The following IGSF11 variants were observed in gnomAD, a reference collection of about 807,000 sequenced individuals.
The protein encoded by IGSF11 is immunoglobulin superfamily member 11, also known as CXADR like 1.
IGSF11 carries 22 observed loss-of-function variants against 41.0 expected under a neutral mutation model. That is an observed-to-expected ratio of 0.54 (90% CI 0.38 to 0.77). The LOEUF (loss-of-function observed/expected upper bound fraction) is 0.77, where lower values mean the gene tolerates loss of function less well. IGSF11 is among the 30% of genes least tolerant of loss of function. IGSF11 has a pLI of 0.00. For synonymous variants in IGSF11, 219 were observed against 201.3 expected, an observed-to-expected ratio of 1.09 and a Z score of -0.74; for missense variants, 444 against 530.8, an observed-to-expected ratio of 0.84 and a Z score of 1.61.
chr3:119,064,407 C>T (rs1181088340), intron 1 of IGSF11, among the ~76,000 whole-genome samples: 2 of 152,032 alleles, frequency 1.3e-5, no homozygotes, highest in Non-Finnish European at 2.9e-5. Context: ...TTACTCCATC[C>T]TAATCCCAAA....
At chr3:118,964,487 A>T (rs1159008049) in intron 1 of IGSF11, among the ~76,000 whole-genome samples, 1 of 152,162 alleles carries the variant, frequency 6.6e-6, no homozygotes, top group Non-Finnish European at 1.5e-5. Flanking sequence ...AGGTAAGTAC[A>T]CACTTTACAG....
intron 6 of IGSF11, 33 bp from the exon 7 acceptor site, chr3:118,902,994 T>G (rs552077032): frequency 2.3e-5 from 37 of 1,588,910 alleles, no homozygotes; most frequent in Non-Finnish European, 3.1e-5. Flanking sequence ...GTTGTTAGGA[T>G]TTACTTCAAG....
chr3:119,105,183 C>T, exon 1 of IGSF11: 1 of 1,605,826 alleles, frequency 6.2e-7, no homozygotes, highest in Non-Finnish European at 8.5e-7. Context: ...AAAAGTTCCA[C>T]CAGAGACATT....
At chr3:119,057,522 G>T (rs1203426258) in intron 1 of IGSF11, among the ~76,000 whole-genome samples, 1 of 152,132 alleles carries the variant, frequency 6.6e-6, no homozygotes, top group Admixed American at 6.6e-5. Flanking sequence ...AGGAAGAATT[G>T]ATATCATGAA....
At position 118,925,466 on chromosome 3, in the gene IGSF11, T is replaced by A. The variant is rs116739846; in HGVS notation, c.580+635A>T. 8.0e-3 allele frequency among the ~76,000 whole-genome samples: 1,216 copies of A among 152,336 alleles called. 20 individuals are homozygous for A. The highest frequency in any genetic ancestry group is 0.028 in the African/African-American group (1,152 of 41,568). On this transcript the variant is annotated intron_variant, in intron 4 of 6. Coordinates refer to ENST00000393775, the MANE Select transcript of IGSF11 (RefSeq NM_001015887.3). Reference sequence around the variant, plus strand: ...CATTTTCTTGACCTAGAGTATTTTATAATAAAATTCTATATCTTCCCCTCA... The same window carrying A: ...CATTTTCTTGACCTAGAGTATTTTAAAATAAAATTCTATATCTTCCCCTCA...
intron 4 of IGSF11, among the ~76,000 whole-genome samples, chr3:118,922,409 T>TTGTG (rs59598173): frequency 5.3e-5 from 8 of 149,750 alleles, no homozygotes; most frequent in African/African-American, 1.5e-4. Flanking sequence ...ATAACTACCT[T>TTGTG]TGTGTGTGTG....
intron 4 of IGSF11, among the ~76,000 whole-genome samples, chr3:118,907,601 C>T (rs924090077): frequency 2.6e-5 from 4 of 152,182 alleles, no homozygotes; most frequent in African/African-American, 7.2e-5. Flanking sequence ...AATAAAAGTG[C>T]TGCCTACTCT....
chr3:119,126,005 C>A (rs1268200206), intron 1 of IGSF11, among the ~76,000 whole-genome samples: 2 of 152,260 alleles, frequency 1.3e-5, no homozygotes, highest in Admixed American at 1.3e-4. Flanking sequence ...CTTAAGCCTA[C>A]CAAACTCCTG....
In IGSF11 at chr3:118,935,375, T is replaced by C. The variant is rs9879485; in HGVS notation, c.53-5100A>G. Among the ~76,000 whole-genome samples, 531 of 113,514 alleles carry C rather than the reference T, an allele frequency of 4.7e-3. 7 individuals carry two copies. Among genetic ancestry groups the C allele is most frequent in the Middle Eastern group, 0.029 (7 of 244 alleles). The allele number at this position is 113,514 out of a possible 152,430, so 74.5% of individuals were successfully genotyped here. A position where few individuals can be genotyped will look rare whatever the true frequency, so the allele number is the denominator to read the frequency against. The stretch of plus-strand genomic sequence containing the variant: ...ACATGTATATACACCCTGAGATATA[T>C]ACACACACACACACACACACATACA... On this transcript the variant is annotated intron_variant, in intron 1 of 6. Coordinates refer to ENST00000393775, the MANE Select transcript of IGSF11 (RefSeq NM_001015887.3).
intron 1 of IGSF11, among the ~76,000 whole-genome samples, chr3:119,046,255 A>G (rs933871554): frequency 6.7e-6 from 1 of 149,124 alleles, no homozygotes; most frequent in Non-Finnish European, 1.5e-5. Context: ...AAAAAAATTT[A>G]GAAGAATGTA....
chr3:119,043,670 C>T (rs1275556618), intron 1 of IGSF11, among the ~76,000 whole-genome samples: 1 of 152,212 alleles, frequency 6.6e-6, no homozygotes, highest in East Asian at 1.9e-4. Flanking sequence ...ACCTCTGCCA[C>T]CTCCACCAGA....
intron 1 of IGSF11, among the ~76,000 whole-genome samples, chr3:118,955,348 T>C (rs1193844809): frequency 6.6e-6 from 1 of 152,120 alleles, no homozygotes; most frequent in East Asian, 1.9e-4. Flanking sequence ...ACCATTATTC[T>C]AAGTGAAGTA....
At chr3:119,043,762 C>T (rs751305655) in intron 1 of IGSF11, among the ~76,000 whole-genome samples, 16 of 152,120 alleles carry the variant, frequency 1.1e-4, no homozygotes, top group South Asian at 4.1e-4. Context: ...CAATACCAGA[C>T]GGGAGCCCAG....
chr3:119,021,257 TAGAAA>T, intron 1 of IGSF11, among the ~76,000 whole-genome samples: 1 of 152,022 alleles, frequency 6.6e-6, no homozygotes, highest in Non-Finnish European at 1.5e-5. Flanking sequence ...TACTATATAA[TAGAAA>T]AATTAGTATC....
At chr3:119,143,362 G>T (rs1199035014) in intron 1 of IGSF11, among the ~76,000 whole-genome samples, 1 of 152,110 alleles carries the variant, frequency 6.6e-6, no homozygotes. Flanking sequence ...TAACAGCAGG[G>T]TTTTGTATAC....
upstream of IGSF11, among the ~76,000 whole-genome samples, chr3:119,035,392 C>T (rs1218877589): frequency 6.6e-6 from 1 of 152,186 alleles, no homozygotes; most frequent in Non-Finnish European, 1.5e-5. Flanking sequence ...TGCCTTTTCA[C>T]CTTTCTTCCT....
At chr3:118,979,855 C>T (rs113598682) in intron 1 of IGSF11, among the ~76,000 whole-genome samples, 1,867 of 151,990 alleles carry the variant, frequency 0.012, 44 homozygotes, top group African/African-American at 0.042. Flanking sequence ...AGTCAAAAGA[C>T]GTACATAGAA....
chr3:119,068,921 T>TTC (rs1452894293), intron 1 of IGSF11, among the ~76,000 whole-genome samples: 2 of 138,508 alleles, frequency 1.4e-5, no homozygotes, highest in African/African-American at 5.6e-5. Flanking sequence ...ATTTTCTTTT[T>TTC]TTTTTCTTTT....
chr3:119,128,265 G>A (rs899704392), intron 1 of IGSF11, among the ~76,000 whole-genome samples: 1 of 152,138 alleles, frequency 6.6e-6, no homozygotes, highest in Non-Finnish European at 1.5e-5. Flanking sequence ...GGCTGAGGCA[G>A]GAGAATTGTT....
Sources: gnomAD v4.1 joint callset for allele counts (sites outside exome capture counted in the v4.1 genomes callset) on GRCh38, gnomAD v4.1.1 for gene constraint, MANE v1.5 for transcripts, NCBI Gene and HGNC (gene_info 2026-07-23, HGNC 2026-07-21) for gene names.